CASK: variants seen among roughly 807,000 people sequenced by gnomAD.
CASK encodes the protein peripheral plasma membrane protein CASK.
Under a neutral mutation model 82.9 loss-of-function variants are expected in CASK, and 4 were observed. That is an observed-to-expected ratio of 0.05 (90% CI 0.02 to 0.11). CASK has a LOEUF of 0.11. Among genes scored for constraint, CASK ranks in the 10% least tolerant of loss-of-function variants. The pLI, the probability that CASK is intolerant of heterozygous loss-of-function variation, is 1.00. For synonymous variants in CASK, 259 were observed against 253.5 expected, an observed-to-expected ratio of 1.02 and a Z score of -0.20; for missense variants, 358 against 720.9, an observed-to-expected ratio of 0.50 and a Z score of 5.76.
intron 2 of CASK, among the ~76,000 whole-genome samples, chrX:41,832,511 G>A (rs2070843359): frequency 8.9e-6 from 1 of 112,304 alleles, no homozygotes; most frequent in African/African-American, 3.2e-5. Context: ...CTATTCCTGG[G>A]TATACACCCA....
chrX:41,652,837 T>C (rs1308885929), intron 8 of CASK, among the ~76,000 whole-genome samples: 1 of 112,192 alleles, frequency 8.9e-6, no homozygotes, highest in Non-Finnish European at 1.9e-5. Flanking sequence ...ATGGTAAAAG[T>C]GTTTCCCTGA....
chrX:41,832,368 T>C (rs2070840234), intron 2 of CASK, among the ~76,000 whole-genome samples: 1 of 111,779 alleles, frequency 8.9e-6, no homozygotes. Flanking sequence ...CCAACAAGGA[T>C]CTCATTTTCT....
At chrX:41,829,710 T>TACATAC (rs1274414201) in intron 2 of CASK, among the ~76,000 whole-genome samples, 1 of 13,640 alleles carries the variant, frequency 7.3e-5, no homozygotes, top group Admixed American at 8.7e-4. Flanking sequence ...TATATATATA[T>TACATAC]ATATATATAT....
chrX:41,749,955 G>A (rs1206291376), intron 3 of CASK, among the ~76,000 whole-genome samples: 2 of 109,750 alleles, frequency 1.8e-5, no homozygotes. Flanking sequence ...TATTTTAGTT[G>A]CTATTGTAAA....
intron 2 of CASK, among the ~76,000 whole-genome samples, chrX:41,795,332 T>C (rs1037740867): frequency 1.8e-5 from 2 of 112,120 alleles, no homozygotes; most frequent in African/African-American, 6.5e-5. Context: ...TGCCATTTCA[T>C]CAAATTTGGA....
chrX:41,687,139 A>G (rs2067456126), intron 5 of CASK, among the ~76,000 whole-genome samples: 1 of 112,455 alleles, frequency 8.9e-6, no homozygotes, highest in African/African-American at 3.2e-5. Flanking sequence ...GTAGGAAAAT[A>G]ATATAGAAAA....
At chrX:41,599,117 C>A (rs1341644530) in intron 12 of CASK, among the ~76,000 whole-genome samples, 2 of 111,497 alleles carry the variant, frequency 1.8e-5, no homozygotes, top group Admixed American at 9.6e-5. Flanking sequence ...GGGCTGCTCC[C>A]AATACCATGG....
At chrX:41,839,508 C>T (rs754545468) in intron 2 of CASK, among the ~76,000 whole-genome samples, 5 of 108,986 alleles carry the variant, frequency 4.6e-5, no homozygotes, top group South Asian at 3.9e-4. Context: ...CCTTGACAAA[C>T]GCACTCACTA....
intron 2 of CASK, among the ~76,000 whole-genome samples, chrX:41,797,743 G>A (rs1290447609): frequency 3.6e-5 from 4 of 111,798 alleles, no homozygotes; most frequent in African/African-American, 1.3e-4. Context: ...TAGCAGAACT[G>A]GAAGATGAAC....
intron 3 of CASK, among the ~76,000 whole-genome samples, chrX:41,772,078 C>T (rs1012160018): frequency 2.0e-4 from 22 of 110,992 alleles, no homozygotes; most frequent in Non-Finnish European, 2.8e-4. Context: ...AGGCCAGGCG[C>T]GGTAGCTCAT....
intron 8 of CASK, among the ~76,000 whole-genome samples, chrX:41,651,997 C>A (rs1389152949): frequency 9.0e-6 from 1 of 111,251 alleles, no homozygotes; most frequent in African/African-American, 3.3e-5. Flanking sequence ...ATAGGGAATA[C>A]TGGTGGCATT....
intron 1 of CASK, among the ~76,000 whole-genome samples, chrX:41,888,808 CATGTAT>C (rs1293229076): frequency 9.9e-6 from 1 of 100,819 alleles, no homozygotes; most frequent in Non-Finnish European, 2.0e-5. Flanking sequence ...TGTATATATA[CATGTAT>C]ATGTATATAT....
chrX:41,855,748 G>GTCA lies in CASK; in HGVS notation c.60-2524_60-2522dup, dbSNP rs557317524. Among the ~76,000 whole-genome samples, 27 of 111,931 alleles carry GTCA rather than the reference G, an allele frequency of 2.4e-4. No homozygotes were observed. In the South Asian group the frequency reaches 9.6e-3, roughly 40 times the overall value. On this transcript the variant is annotated intron_variant, in intron 1 of 26. Transcript: ENST00000378163. ...ATACTGGTAGAGATAGTTATAAGCC[G>GTCA]TCATCATAAACAACTATCTTTCTCA...
At chrX:41,796,718 T>C (rs2069862018) in intron 2 of CASK, among the ~76,000 whole-genome samples, 1 of 111,919 alleles carries the variant, frequency 8.9e-6, no homozygotes, top group South Asian at 3.7e-4. Context: ...TGGAGTCATC[T>C]TCACACCATC....
intron 5 of CASK, chrX:41,727,798 C>T: frequency 8.3e-7 from 1 of 1,201,938 alleles, no homozygotes; most frequent in East Asian, 3.0e-5. Context: ...CCAGATTCTA[C>T]TAATAGTTTG....
rs187638285 is a variant in CASK at position 41,546,765 on chromosome X, A to C, written c.2040-3959T>G. On this transcript the variant is annotated intron_variant, in intron 21 of 26. Coordinates refer to ENST00000378163, the MANE Select transcript of CASK (RefSeq NM_001367721.1). ...AGTGCAGGGATTACAGGCATGAGTCACCACGCCTGGTCATTTTTTAATAAA... is the reference window on the plus strand; with the variant it reads ...AGTGCAGGGATTACAGGCATGAGTCCCCACGCCTGGTCATTTTTTAATAAA... Among the ~76,000 whole-genome samples, 12 of 111,585 alleles carry C rather than the reference A, an allele frequency of 1.1e-4. No homozygotes were observed. In the East Asian group the frequency reaches 3.4e-3, roughly 31 times the overall value.
chrX:41,824,066 T>A (rs770213444), intron 2 of CASK, among the ~76,000 whole-genome samples: 1 of 112,030 alleles, frequency 8.9e-6, no homozygotes, highest in East Asian at 2.8e-4. Flanking sequence ...GACCCTTTGA[T>A]AGTATCCATT....
chrX:41,813,440 C>T (rs976021783), intron 2 of CASK, among the ~76,000 whole-genome samples: 5 of 110,765 alleles, frequency 4.5e-5, no homozygotes, highest in Admixed American at 9.6e-5. Flanking sequence ...TAATACCACA[C>T]ATCTACAACC....
intron 5 of CASK, among the ~76,000 whole-genome samples, chrX:41,738,386 C>T (rs2147716277): frequency 8.9e-6 from 1 of 112,421 alleles, no homozygotes; most frequent in East Asian, 2.8e-4. Context: ...TATTTTACAA[C>T]TAATTTACAC....
Sources: allele counts gnomAD v4.1 joint callset (sites outside exome capture counted in the v4.1 genomes callset), GRCh38; gene constraint gnomAD v4.1.1; transcripts MANE v1.5; gene names NCBI Gene and HGNC (gene_info 2026-07-23, HGNC 2026-07-21).